Variants in SLC12A6 observed in about 807,000 individuals in gnomAD.
SLC12A6 encodes the protein K-Cl cotransporter 3.
Under a neutral mutation model 135.3 loss-of-function variants are expected in SLC12A6, and 66 were observed. That is an observed-to-expected ratio of 0.49 (90% confidence interval 0.40 to 0.60). The LOEUF is 0.60. Ranked by LOEUF, SLC12A6 falls within the 20% of genes least tolerant of loss-of-function variation. The pLI is 0.00. For synonymous variants in SLC12A6, 513 were observed against 508.8 expected (o/e 1.01, Z -0.11); for missense variants, 1,058 against 1,452.3 (o/e 0.73, Z 4.41).
chr15:34,230,935 C>T lies in SLC12A6; in HGVS notation c.*2946G>A, dbSNP rs1359372823. On this transcript the variant is annotated 3_prime_UTR_variant, in exon 26 of 26. Transcript: ENST00000354181. ...CCAACCACAAACAGCACTTCTAAAA[C>T]TAACTTTACTTTCTGCCCATAATTT... 2.0e-5 allele frequency: 3 copies of T among 152,202 alleles called. No individual in the cohort carries two copies. The highest frequency in any genetic ancestry group is 4.4e-5 in the Non-Finnish European group (3 of 68,032). The allele number at this position is 152,202 out of a possible 1,614,324, so 9.4% of individuals were successfully genotyped here.
At chr15:34,316,969 C>T (rs1166955247) in intron 2 of SLC12A6, among the ~76,000 whole-genome samples, 1 of 152,096 alleles carries the variant, frequency 6.6e-6, no homozygotes, top group African/African-American at 2.4e-5. Context: ...AAAACATAAG[C>T]AAAGAAGGTG....
Position 34,258,561 on chromosome 15 carries a change from C to G in SLC12A6, c.543+252G>C, listed in dbSNP as rs79393761. Among the ~76,000 whole-genome samples the G allele has an allele frequency of 2.6e-5, 4 of 152,252 alleles. No individual in the cohort carries two copies. The East Asian group carries it at 7.7e-4, about 29-fold the overall frequency. ...TCTCTACTCTGCTTAATTTTTTGCT[C>G]GGGAATTTATCAACACTTAATATGT... On this transcript the variant is annotated intron_variant, in intron 5 of 25. Coordinates refer to ENST00000354181, the MANE Select transcript of SLC12A6 (RefSeq NM_001365088.1).
chr15:34,289,116 T>C (rs186797677), intron 2 of SLC12A6, among the ~76,000 whole-genome samples: 4,885 of 152,310 alleles, frequency 0.032, 274 homozygotes, highest in African/African-American at 0.11. Context: ...ATACTGGCTG[T>C]GGGTTTGACA....
At chr15:34,245,558 G>A in intron 14 of SLC12A6, 135 bp downstream of exon 14, 1 of 917,852 alleles carries the variant, frequency 1.1e-6, no homozygotes, top group South Asian at 1.3e-5. Flanking sequence ...ACTCATGCTT[G>A]GGATTTAGAG....
intron 19 of SLC12A6, among the ~76,000 whole-genome samples, chr15:34,239,481 TTC>T (rs1891495499): frequency 6.6e-6 from 1 of 152,188 alleles, no homozygotes; most frequent in South Asian, 2.1e-4. Flanking sequence ...TCAACATTCT[TTC>T]TCAGTTGACC....
chr15:34,336,218 C>T (rs1332375149), intron 2 of SLC12A6, among the ~76,000 whole-genome samples, 192 bp downstream of exon 2: 3 of 152,072 alleles, frequency 2.0e-5, no homozygotes, highest in Non-Finnish European at 2.9e-5. Flanking sequence ...TCCCACATAC[C>T]AAATTACTAC....
intron 2 of SLC12A6, among the ~76,000 whole-genome samples, chr15:34,319,916 T>G (rs944171734): frequency 6.6e-6 from 1 of 151,470 alleles, no homozygotes; most frequent in Admixed American, 6.6e-5. Flanking sequence ...TCCCTTTAAG[T>G]GGCGTACAGT....
intron 5 of SLC12A6, 66 bp from the exon 6 acceptor site, chr15:34,257,854 G>T: frequency 1.8e-6 from 2 of 1,108,102 alleles, no homozygotes; most frequent in Non-Finnish European, 2.7e-6. Flanking sequence ...ATTCTTTTAT[G>T]TAATAACTTG....
chr15:34,334,142 T>C (rs1595593257), intron 2 of SLC12A6, among the ~76,000 whole-genome samples: 1 of 150,960 alleles, frequency 6.6e-6, no homozygotes, highest in East Asian at 1.9e-4. Flanking sequence ...GTAGAAGACA[T>C]ATGACAAGAA....
intron 2 of SLC12A6, among the ~76,000 whole-genome samples, chr15:34,320,603 ATTTT>A (rs10543386): frequency 6.9e-6 from 1 of 144,928 alleles, no homozygotes; most frequent in South Asian, 2.2e-4. Context: ...GGAATAAACA[ATTTT>A]TTTTTTTTTT....
intron 2 of SLC12A6, among the ~76,000 whole-genome samples, chr15:34,304,536 C>T (rs1896470393): frequency 6.6e-6 from 1 of 152,206 alleles, no homozygotes; most frequent in African/African-American, 2.4e-5. Flanking sequence ...ACTTCACATC[C>T]TTTCCAACAC....
intron 2 of SLC12A6, among the ~76,000 whole-genome samples, chr15:34,304,117 C>G (rs1368366291): frequency 6.6e-6 from 1 of 152,222 alleles, no homozygotes; most frequent in East Asian, 1.9e-4. Context: ...AATCTAACTT[C>G]TGCCTCTATA....
intron 16 of SLC12A6, among the ~76,000 whole-genome samples, chr15:34,243,326 C>T (rs1046985527): frequency 3.9e-5 from 6 of 152,112 alleles, no homozygotes; most frequent in African/African-American, 1.4e-4. Context: ...AGAAAGGGAA[C>T]AAGGAGAAAG....
intron 2 of SLC12A6, among the ~76,000 whole-genome samples, chr15:34,304,524 A>G (rs930401963): frequency 6.6e-6 from 1 of 152,224 alleles, no homozygotes; most frequent in African/African-American, 2.4e-5. Flanking sequence ...GAGAGTTTCA[A>G]TACTTCACAT....
At position 34,238,405 on chromosome 15, in the gene SLC12A6, G is replaced by C. The variant is rs1459974478; in HGVS notation, c.2633-4C>G. On this transcript the variant is annotated splice_region_variant and splice_polypyrimidine_tract_variant and intron_variant, in intron 20 of 25. Coordinates refer to ENST00000354181, the MANE Select transcript of SLC12A6 (RefSeq NM_001365088.1). The stretch of plus-strand genomic sequence containing the variant: ...GCAGTTGTCACTCGAACTGTGCCTA[G>C]GGAGAAAAAAGAATAAGCAGAGAAG... The C allele has an allele frequency of 6.2e-7, 1 of 1,611,020 alleles. No homozygotes were observed. The highest frequency in any genetic ancestry group is 8.5e-7 in the Non-Finnish European group (1 of 1,177,446).
chr15:34,250,278 C>T lies in SLC12A6; in HGVS notation c.1649+20G>A, dbSNP rs201054191. 2.9e-4 allele frequency: 386 copies of T among 1,353,202 alleles called. No homozygotes were observed. Among genetic ancestry groups the T allele is most frequent in the Non-Finnish European group, 3.7e-4 (353 of 941,474 alleles). 83.8% of individuals were successfully genotyped at this position (1,353,202 alleles called of 1,614,324 possible). ...ATGGCAGACACACACATAATTGTTA[C>T]AAAGAAATTCATTACTCACTTGTCT... On this transcript the variant is annotated intron_variant, in intron 13 of 25. Coordinates refer to ENST00000354181, the MANE Select transcript of SLC12A6 (RefSeq NM_001365088.1).
chr15:34,293,751 C>T (rs1157767834), intron 2 of SLC12A6, among the ~76,000 whole-genome samples: 1 of 152,108 alleles, frequency 6.6e-6, no homozygotes, highest in African/African-American at 2.4e-5. Context: ...AGGCATGTGC[C>T]GTCACACCTT....
At position 34,233,178 on chromosome 15, in the gene SLC12A6, G is replaced by GT. The variant is rs1366594903; in HGVS notation, c.*702dup. ...TACCTTACCAAAAACAATTTCCATG[G>GT]TAACACTGCCTGTGTTACAATGACA... On this transcript the variant is annotated 3_prime_UTR_variant, in exon 26 of 26. Coordinates refer to ENST00000354181, the MANE Select transcript of SLC12A6 (RefSeq NM_001365088.1). The GT allele has an allele frequency of 2.0e-5, 3 of 152,124 alleles. No individual in the cohort carries two copies. Among genetic ancestry groups the GT allele is most frequent in the African/African-American group, 7.2e-5 (3 of 41,402 alleles). The allele number at this position is 152,124 out of a possible 1,614,324, so 9.4% of individuals were successfully genotyped here.
chr15:34,230,511 C>A lies in SLC12A6; in HGVS notation c.*3370G>T, dbSNP rs1890854661. 1 of 151,644 alleles carries A rather than the reference C, an allele frequency of 6.6e-6. No individual in the cohort carries two copies. Among genetic ancestry groups the A allele is most frequent in the Non-Finnish European group, 1.5e-5 (1 of 68,050 alleles). 9.4% of individuals were successfully genotyped at this position (151,644 alleles called of 1,614,324 possible). Reference sequence around the variant, plus strand: ...GCAGATGCTGCAGTTCAAACTTCAGCTTTTAAGATAGATAGCTATTGAAGG... The same window carrying A: ...GCAGATGCTGCAGTTCAAACTTCAGATTTTAAGATAGATAGCTATTGAAGG... On this transcript the variant is annotated 3_prime_UTR_variant, in exon 26 of 26. Coordinates refer to ENST00000354181, the MANE Select transcript of SLC12A6 (RefSeq NM_001365088.1).
Sources: gnomAD v4.1 joint callset for allele counts (sites outside exome capture counted in the v4.1 genomes callset) on GRCh38, gnomAD v4.1.1 for gene constraint, MANE v1.5 for transcripts, NCBI Gene and HGNC (gene_info 2026-07-23, HGNC 2026-07-21) for gene names.